Variants in GSE1 observed in about 807,000 individuals in gnomAD.
GSE1 encodes the protein genetic suppressor element 1.
A neutral mutation model predicts 112.6 loss-of-function variants in GSE1; 32 were observed. The ratio of observed to expected loss-of-function variants is 0.28; its 90% CI spans 0.21 to 0.38. The LOEUF is 0.38. Ranked by LOEUF, GSE1 falls within the 10% of genes least tolerant of loss-of-function variation. GSE1 has a pLI of 1.00. For missense variants in GSE1, 2,348 were observed against 1,699.2 expected (o/e 1.38, Z -6.71); for synonymous variants, 1,115 against 735.6 (o/e 1.52, Z -8.35).
At chr16:85,312,118 GC>G (rs1412754774) in intron 1 of GSE1, among the ~76,000 whole-genome samples, 1 of 140,060 alleles carries the variant, frequency 7.1e-6, no homozygotes, top group Non-Finnish European at 1.5e-5. Context: ...TCTCCTGCTG[GC>G]CCCCTCGCCC....
In GSE1 at chr16:85,397,465, G is replaced by C. The variant is rs1051930032; in HGVS notation, c.2464+39822G>C. ...GCATGGACCCTGCCTGGAACATGTGGTCTCTGCTGGCCCAGGCTTGTCACG... is the reference window on the plus strand; with the variant it reads ...GCATGGACCCTGCCTGGAACATGTGCTCTCTGCTGGCCCAGGCTTGTCACG... On this transcript the variant is annotated intron_variant, in intron 2 of 2. Coordinates refer to the GSE1 transcript ENST00000637419. Among the ~76,000 whole-genome samples the C allele has an allele frequency of 2.0e-5, 3 of 152,352 alleles. No homozygotes were observed. In the East Asian group the frequency reaches 5.8e-4, roughly 29 times the overall value.
At chr16:85,539,178 C>T (rs1434623994) in intron 2 of GSE1, among the ~76,000 whole-genome samples, 4 of 152,326 alleles carry the variant, frequency 2.6e-5, no homozygotes, top group African/African-American at 9.6e-5. Flanking sequence ...CTCGTTATTC[C>T]CAGCTGGACA....
intron 1 of GSE1, among the ~76,000 whole-genome samples, chr16:85,355,388 C>T (rs1231696376): frequency 3.3e-5 from 5 of 152,188 alleles, no homozygotes; most frequent in Admixed American, 3.3e-4. Flanking sequence ...CCTCACCAGA[C>T]GGCAGGCCCT....
upstream of GSE1, among the ~76,000 whole-genome samples, chr16:85,612,896 G>A (rs568748816): frequency 5.3e-5 from 8 of 151,170 alleles, no homozygotes; most frequent in African/African-American, 1.7e-4. Context: ...CTCCGCTCAC[G>A]TGGCGAGGGT....
chr16:85,559,538 C>G (rs575308082), intron 1 of GSE1, among the ~76,000 whole-genome samples: 3 of 152,214 alleles, frequency 2.0e-5, no homozygotes, highest in Non-Finnish European at 2.9e-5. Flanking sequence ...GGGCCCAGAA[C>G]CCGCCTGTCC....
intron 2 of GSE1, among the ~76,000 whole-genome samples, chr16:85,525,672 G>A (rs2052343995): frequency 6.6e-6 from 1 of 152,210 alleles, no homozygotes. Context: ...TCCCTCAGGG[G>A]GCAGTGTGTT....
chr16:85,267,186 A>G (rs1157327128), intron 1 of GSE1, among the ~76,000 whole-genome samples: 1 of 152,128 alleles, frequency 6.6e-6, no homozygotes, highest in Non-Finnish European at 1.5e-5. Context: ...GCCTCCCCTG[A>G]GACTCCCGCC....
intron 1 of GSE1, among the ~76,000 whole-genome samples, chr16:85,323,478 AG>A (rs985335965): frequency 2.6e-5 from 4 of 152,182 alleles, no homozygotes; most frequent in African/African-American, 7.2e-5. Flanking sequence ...CCAGAGAGAC[AG>A]GGCGTCTGGG....
At chr16:85,451,190 AACC>A (rs1241958595) in intron 2 of GSE1, among the ~76,000 whole-genome samples, 3 of 152,148 alleles carry the variant, frequency 2.0e-5, no homozygotes, top group East Asian at 1.9e-4. Flanking sequence ...TATACAGCAA[AACC>A]ACCACCATAA....
rs543574917 is a variant in GSE1, at chr16:85,280,520, C to T, written c.2284-76943C>T. ...AAGCGATTCTCCTGCCTCAGCCTCT[C>T]GAGTAGCTGGGACTACAGGCGCCCG... On this transcript the variant is annotated intron_variant, in intron 1 of 2. Transcript: ENST00000637419. 2.7e-3 allele frequency among the ~76,000 whole-genome samples: 413 copies of T among 152,272 alleles called. 1 individual carries two copies. The highest frequency in any genetic ancestry group is 9.1e-3 in the African/African-American group (378 of 41,548).
chr16:85,586,152 C>T (rs1458400125), intron 1 of GSE1, among the ~76,000 whole-genome samples: 1 of 152,214 alleles, frequency 6.6e-6, no homozygotes, highest in African/African-American at 2.4e-5. Context: ...GTCCAGATTT[C>T]CCCTTGTTAG....
intron 1 of GSE1, among the ~76,000 whole-genome samples, chr16:85,199,554 A>T (rs944178251): frequency 2.6e-5 from 4 of 152,230 alleles, no homozygotes; most frequent in Non-Finnish European, 5.9e-5. Context: ...CTTAGCTGCG[A>T]AAAGAGACAC....
intron 2 of GSE1, among the ~76,000 whole-genome samples, chr16:85,413,041 C>T (rs562117232): frequency 2.0e-5 from 3 of 152,320 alleles, no homozygotes; most frequent in Admixed American, 2.0e-4. Flanking sequence ...TGGAAGGTTC[C>T]GTGCTGCTGC....
intron 2 of GSE1, among the ~76,000 whole-genome samples, chr16:85,455,246 C>T (rs936451441): frequency 6.6e-6 from 1 of 152,184 alleles, no homozygotes; most frequent in African/African-American, 2.4e-5. Flanking sequence ...CTCAGCCTGG[C>T]GTGGTGGCAC....
At chr16:85,226,476 G>C (rs930455312) in intron 1 of GSE1, among the ~76,000 whole-genome samples, 1 of 152,190 alleles carries the variant, frequency 6.6e-6, no homozygotes, top group African/African-American at 2.4e-5. Flanking sequence ...CCTGACCAAG[G>C]GGGCTGCTGG....
At chr16:85,530,433 T>C (rs2044100551) in intron 2 of GSE1, among the ~76,000 whole-genome samples, 1 of 152,082 alleles carries the variant, frequency 6.6e-6, no homozygotes, top group Admixed American at 6.5e-5. Flanking sequence ...AAAGAAATAA[T>C]AATCTTACGA....
chr16:85,257,555 A>G (rs1907217766), intron 1 of GSE1, among the ~76,000 whole-genome samples: 1 of 152,264 alleles, frequency 6.6e-6, no homozygotes, highest in Admixed American at 6.5e-5. Flanking sequence ...ATAATGAAAA[A>G]TGAAATCACA....
intron 1 of GSE1, among the ~76,000 whole-genome samples, chr16:85,236,170 C>T (rs895589477): frequency 3.3e-5 from 5 of 152,174 alleles, no homozygotes; most frequent in African/African-American, 1.2e-4. Context: ...CGGGTTTCTC[C>T]TGGTGGGGGC....
chr16:85,641,554 C>T (rs1422101628), intron 2 of GSE1, among the ~76,000 whole-genome samples: 1 of 152,264 alleles, frequency 6.6e-6, no homozygotes, highest in Non-Finnish European at 1.5e-5. Context: ...CTCCCTGGAA[C>T]GCAGGGGGTC....
Sources: allele counts gnomAD v4.1 joint callset (sites outside exome capture counted in the v4.1 genomes callset), GRCh38; gene constraint gnomAD v4.1.1; transcripts MANE v1.5; gene names NCBI Gene and HGNC (gene_info 2026-07-23, HGNC 2026-07-21).